The following ELOVL6 variants were observed in gnomAD, a reference collection of about 807,000 sequenced individuals.
The protein encoded by ELOVL6 is ELOVL fatty acid elongase 6.
A neutral mutation model predicts 31.7 loss-of-function variants in ELOVL6; 8 were observed. That is an observed-to-expected ratio of 0.25 (90% CI 0.15 to 0.45). The LOEUF (loss-of-function observed/expected upper bound fraction) is 0.45, where lower values mean the gene tolerates loss of function less well. Ranked by LOEUF, ELOVL6 falls within the 20% of genes least tolerant of loss-of-function variation. The probability of loss-of-function intolerance (pLI) is 1.00; values close to 1 mark genes in which losing one functional copy is unlikely to be tolerated. For missense variants in ELOVL6, 126 were observed against 326.4 expected (o/e 0.39, Z 4.73); for synonymous variants, 101 against 117.7 (o/e 0.86, Z 0.92).
At chr4:110,061,403 C>T (rs894080427) in intron 2 of ELOVL6, among the ~76,000 whole-genome samples, 9 of 152,008 alleles carry the variant, frequency 5.9e-5, no homozygotes, top group South Asian at 2.1e-4. Flanking sequence ...GTCTCCTCCC[C>T]GTGGAATGAC....
chr4:110,114,602 T>C (rs956900625), intron 1 of ELOVL6, among the ~76,000 whole-genome samples: 1 of 152,142 alleles, frequency 6.6e-6, no homozygotes, highest in African/African-American at 2.4e-5. Flanking sequence ...AAGCCACTCA[T>C]CCTTCCCCTA....
chr4:110,090,600 C>CTTTTTTGTTTTTTTTGTTTTTTTTTTT (rs1553956743), intron 2 of ELOVL6, among the ~76,000 whole-genome samples: 1 of 103,714 alleles, frequency 9.6e-6, no homozygotes, highest in African/African-American at 4.3e-5. Flanking sequence ...GTTTGACTTT[C>CTTTTTTGTTTTTTTTGTTTTTTTTTTT]TTTTTTTTTT....
intron 2 of ELOVL6, among the ~76,000 whole-genome samples, chr4:110,078,849 CAT>C (rs1480743894): frequency 1.3e-5 from 2 of 152,156 alleles, no homozygotes; most frequent in African/African-American, 4.8e-5. Context: ...AAACCCATCT[CAT>C]GTGCAGAGAC....
At position 110,048,739 on chromosome 4, in the gene ELOVL6, C is replaced by T. The variant is rs1360634184; in HGVS notation, c.*2599G>A. 1 of 152,068 alleles carries T rather than the reference C, an allele frequency of 6.6e-6. No individual in the cohort carries two copies. Among genetic ancestry groups the T allele is most frequent in the East Asian group, 1.9e-4 (1 of 5,196 alleles). The allele number at this position is 152,068 out of a possible 1,614,324, so 9.4% of individuals were successfully genotyped here. On this transcript the variant is annotated 3_prime_UTR_variant, in exon 4 of 4. Coordinates refer to ENST00000302274, the MANE Select transcript of ELOVL6 (RefSeq NM_024090.3). Reference sequence around the variant, plus strand: ...TTAAAAAAAATGTGGCTTTTTTCCTCCCATGATAAACATTGGAAATGCCTT... The same window carrying T: ...TTAAAAAAAATGTGGCTTTTTTCCTTCCATGATAAACATTGGAAATGCCTT...
intron 1 of ELOVL6, among the ~76,000 whole-genome samples, chr4:110,161,575 T>C (rs1369280274): frequency 6.6e-6 from 1 of 152,192 alleles, no homozygotes; most frequent in Admixed American, 6.5e-5. Context: ...TAGTTCCATG[T>C]CTTTCCAATT....
At chr4:110,188,219 G>A (rs373809348) in intron 1 of ELOVL6, among the ~76,000 whole-genome samples, 1 of 152,158 alleles carries the variant, frequency 6.6e-6, no homozygotes, top group Admixed American at 6.5e-5. Flanking sequence ...TCACAGAGCA[G>A]ACAGTAAATA....
intron 1 of ELOVL6, among the ~76,000 whole-genome samples, chr4:110,137,787 T>C (rs1247920979): frequency 6.6e-6 from 1 of 152,216 alleles, no homozygotes; most frequent in African/African-American, 2.4e-5. Context: ...CACAATTGGC[T>C]ACGGAACTCC....
rs185865814 is a variant in ELOVL6 at position 110,051,012 on chromosome 4, T to C, written c.*326A>G. 39 of 288,184 alleles carry C rather than the reference T, an allele frequency of 1.4e-4. No homozygotes were observed. Among genetic ancestry groups the C allele is most frequent in the African/African-American group, 6.5e-4 (30 of 46,110 alleles). The allele number at this position is 288,184 out of a possible 1,614,324, so 17.9% of individuals were successfully genotyped here. ...AAATACATTTTTTCCTATGTGTTAA[T>C]AGCCTTTGTTTGCCTTTGATTAGTC... is the stretch of plus-strand genomic sequence containing the variant. On this transcript the variant is annotated 3_prime_UTR_variant, in exon 4 of 4. Coordinates refer to ENST00000302274, the MANE Select transcript of ELOVL6 (RefSeq NM_024090.3). This position sits in a 1 kb window ranked among gnomAD's most constrained non-coding sequence, Gnocchi z 4.8.
intron 1 of ELOVL6, among the ~76,000 whole-genome samples, chr4:110,133,444 TTAA>T (rs1448935856): frequency 2.0e-5 from 3 of 152,162 alleles, no homozygotes; most frequent in Non-Finnish European, 4.4e-5. Flanking sequence ...ACACTGTGTA[TTAA>T]TAAAAGCTGT....
intron 1 of ELOVL6, among the ~76,000 whole-genome samples, chr4:110,111,013 G>C (rs1391841937): frequency 2.0e-5 from 3 of 152,128 alleles, no homozygotes; most frequent in Non-Finnish European, 4.4e-5. Context: ...GTGAGAACTA[G>C]TTTTTAGTTT....
intron 1 of ELOVL6, among the ~76,000 whole-genome samples, chr4:110,119,764 A>G (rs1382631746): frequency 6.6e-6 from 1 of 152,188 alleles, no homozygotes; most frequent in African/African-American, 2.4e-5. Flanking sequence ...AAATCTCAAG[A>G]TCCCTCAGAA....
chr4:110,161,224 G>A (rs969694337), intron 1 of ELOVL6, among the ~76,000 whole-genome samples: 1 of 152,156 alleles, frequency 6.6e-6, no homozygotes, highest in African/African-American at 2.4e-5. Flanking sequence ...AATGAAATAT[G>A]TCTGTGTATG....
intron 1 of ELOVL6, among the ~76,000 whole-genome samples, chr4:110,195,883 ATGGTC>A (rs1759761005): frequency 6.6e-6 from 1 of 152,198 alleles, no homozygotes; most frequent in South Asian, 2.1e-4. Context: ...TGAAGAGCTG[ATGGTC>A]TGTAAGTTAA....
chr4:110,109,261 T>C (rs1421506026), intron 1 of ELOVL6, among the ~76,000 whole-genome samples: 1 of 152,186 alleles, frequency 6.6e-6, no homozygotes, highest in Non-Finnish European at 1.5e-5. Flanking sequence ...ACTCTTCTTG[T>C]TTAATAAATT....
intron 1 of ELOVL6, among the ~76,000 whole-genome samples, chr4:110,111,764 T>A (rs908247250): frequency 2.6e-5 from 4 of 152,094 alleles, no homozygotes; most frequent in Non-Finnish European, 4.4e-5. Flanking sequence ...GCAATGGAGT[T>A]AGGTGTGAGC....
At chr4:110,171,150 G>A (rs1350387028) in intron 1 of ELOVL6, among the ~76,000 whole-genome samples, 1 of 152,200 alleles carries the variant, frequency 6.6e-6, no homozygotes, top group Non-Finnish European at 1.5e-5. Flanking sequence ...GCTCATGCCT[G>A]TAATCCTAGC....
chr4:110,151,426 A>T (rs556066801), intron 1 of ELOVL6, among the ~76,000 whole-genome samples: 4 of 152,300 alleles, frequency 2.6e-5, no homozygotes, highest in African/African-American at 9.6e-5. Flanking sequence ...GGAATTTTCC[A>T]CTTTTGGTGT....
intron 1 of ELOVL6, among the ~76,000 whole-genome samples, chr4:110,185,882 G>C (rs1759422951): frequency 6.6e-6 from 1 of 152,144 alleles, no homozygotes; most frequent in Non-Finnish European, 1.5e-5. Flanking sequence ...GGATAACCAA[G>C]AGAAGAATAA....
intron 1 of ELOVL6, among the ~76,000 whole-genome samples, chr4:110,118,511 A>G (rs925115750): frequency 6.6e-6 from 1 of 152,202 alleles, no homozygotes; most frequent in African/African-American, 2.4e-5. Flanking sequence ...AAATCACACA[A>G]TAACATTTCT....
Sources: gnomAD v4.1 joint callset for allele counts (sites outside exome capture counted in the v4.1 genomes callset) on GRCh38, gnomAD v4.1.1 for gene constraint, Gnocchi (gnomAD v3.1) non-coding constraint, MANE v1.5 for transcripts, NCBI Gene and HGNC (gene_info 2026-07-23, HGNC 2026-07-21) for gene names.